IFI16: variants seen among roughly 807,000 people sequenced by gnomAD.
The protein encoded by IFI16 is gamma-interferon-inducible protein 16.
Under a neutral mutation model 68.4 loss-of-function variants are expected in IFI16, and 49 were observed. That is an observed-to-expected ratio of 0.72 (90% CI 0.57 to 0.91). The LOEUF (loss-of-function observed/expected upper bound fraction) is 0.91, where lower values mean the gene tolerates loss of function less well. Among genes scored for constraint, IFI16 ranks in the 40% least tolerant of loss-of-function variants. IFI16 has a pLI of 0.00. For missense variants in IFI16, 878 were observed against 942.9 expected, an observed-to-expected ratio of 0.93 and a Z score of 0.90; for synonymous variants, 307 against 315.0, an observed-to-expected ratio of 0.97 and a Z score of 0.27.
chr1:159,003,242 A>C (rs902469380), upstream of IFI16, among the ~76,000 whole-genome samples: 1 of 152,234 alleles, frequency 6.6e-6, no homozygotes, highest in Non-Finnish European at 1.5e-5. Flanking sequence ...CTTTCAGACT[A>C]AGCTGATAGA....
chr1:159,045,467 A>T lies in IFI16; in HGVS notation c.1497+3A>T. On this transcript the variant is annotated splice_donor_region_variant and intron_variant, in intron 8 of 11. Coordinates refer to ENST00000295809, the MANE Select transcript of IFI16 (RefSeq NM_001376587.1). ...CAAGCAGCAGTTTCTTAACCACGGTACAAGTTCCCTCTTCCCAATACATTC... is the reference window on the plus strand; with the variant it reads ...CAAGCAGCAGTTTCTTAACCACGGTTCAAGTTCCCTCTTCCCAATACATTC... 1 of 1,603,536 alleles carries T rather than the reference A, an allele frequency of 6.2e-7. No homozygotes were observed. The highest frequency in any genetic ancestry group is 1.1e-5 in the South Asian group (1 of 90,248).
chr1:159,037,232 CATT>C (rs1471461055), intron 7 of IFI16, among the ~76,000 whole-genome samples: 3 of 152,198 alleles, frequency 2.0e-5, no homozygotes, highest in Admixed American at 6.5e-5. Flanking sequence ...CCATAGGAAT[CATT>C]ATGCTGTGCC....
intron 6 of IFI16, among the ~76,000 whole-genome samples, chr1:159,025,051 G>A (rs1024271027): frequency 2.6e-5 from 4 of 151,676 alleles, no homozygotes; most frequent in Non-Finnish European, 5.9e-5. Context: ...GGCTGGTGCT[G>A]GTGTACTGGA....
chr1:159,051,244 A>G (rs1655337489), intron 9 of IFI16, among the ~76,000 whole-genome samples: 1 of 152,080 alleles, frequency 6.6e-6, no homozygotes. Context: ...ACATGGAGGC[A>G]GGACAGCTGC....
chr1:159,019,114 T>C (rs1167212537), intron 5 of IFI16, among the ~76,000 whole-genome samples: 2 of 152,154 alleles, frequency 1.3e-5, no homozygotes, highest in South Asian at 2.1e-4. Context: ...TACTCATGGC[T>C]GGAAAACAAA....
chr1:159,014,606 C>A, intron 1 of IFI16, 55 bp from the exon 2 acceptor site: 1 of 1,218,332 alleles, frequency 8.2e-7, no homozygotes, highest in Non-Finnish European at 1.1e-6. Context: ...AGGCATACAT[C>A]TTTTAAATTG....
upstream of IFI16, among the ~76,000 whole-genome samples, chr1:159,005,480 ACT>A (rs1276663219): frequency 1.3e-5 from 2 of 152,138 alleles, no homozygotes; most frequent in Non-Finnish European, 2.9e-5. Context: ...CTGCCTCAAC[ACT>A]GAGTCTCTTT....
chr1:159,014,283 G>A (rs1005969212), intron 1 of IFI16, among the ~76,000 whole-genome samples: 8 of 152,232 alleles, frequency 5.3e-5, no homozygotes, highest in African/African-American at 7.2e-5. Context: ...CATACTGGGT[G>A]TGGGAAGATT....
intron 1 of IFI16, among the ~76,000 whole-genome samples, chr1:159,012,385 G>A (rs1372486921): frequency 6.6e-6 from 1 of 152,150 alleles, no homozygotes; most frequent in Admixed American, 6.5e-5. Context: ...ATTCTAAATA[G>A]TGTCTTACTA....
intron 1 of IFI16, among the ~76,000 whole-genome samples, chr1:159,011,562 CTAAT>C (rs1397156171): frequency 3.3e-5 from 5 of 151,564 alleles, no homozygotes; most frequent in East Asian, 1.9e-4. Context: ...GAAATATATA[CTAAT>C]TATAGTACCA....
At position 159,029,964 on chromosome 1, in the gene IFI16, G is replaced by A. The variant is rs1447812167; in HGVS notation, c.1162-2560G>A. 7.3e-5 allele frequency among the ~76,000 whole-genome samples: 6 copies of A among 82,490 alleles called. No homozygotes were observed. The South Asian group carries it at 2.0e-3, about 27-fold the overall frequency. 54.1% of individuals were successfully genotyped at this position (82,490 alleles called of 152,430 possible). A position where few individuals can be genotyped will look rare whatever the true frequency, so the allele number is the denominator to read the frequency against. On this transcript the variant is annotated intron_variant, in intron 6 of 11. Transcript: ENST00000295809. Reference sequence around the variant, plus strand: ...CCCAAAGTGCTGGGATTACAGGCATGAGCCACCATGCCCGGCAGCTTTGTT... The same window carrying A: ...CCCAAAGTGCTGGGATTACAGGCATAAGCCACCATGCCCGGCAGCTTTGTT...
At chr1:159,033,702 TTTAGA>T (rs1266592153) in intron 7 of IFI16, among the ~76,000 whole-genome samples, 1 of 152,310 alleles carries the variant, frequency 6.6e-6, no homozygotes, top group South Asian at 2.1e-4. Flanking sequence ...TATATATGGC[TTTAGA>T]TTAGGAGTTT....
upstream of IFI16, among the ~76,000 whole-genome samples, chr1:159,003,007 AATG>A (rs1321729053): frequency 6.6e-6 from 1 of 152,246 alleles, no homozygotes; most frequent in Non-Finnish European, 1.5e-5. Flanking sequence ...CTACTTGTAG[AATG>A]ATTTCAAAAG....
At chr1:159,004,801 T>C (rs1359768169), upstream of IFI16, among the ~76,000 whole-genome samples, 1 of 152,246 alleles carries the variant, frequency 6.6e-6, no homozygotes, top group East Asian at 1.9e-4. Context: ...AGGGAAATTT[T>C]GACAGCCAAA....
chr1:159,026,362 G>A (rs1375429934), intron 6 of IFI16, among the ~76,000 whole-genome samples: 2 of 150,564 alleles, frequency 1.3e-5, no homozygotes, highest in Non-Finnish European at 2.9e-5. Flanking sequence ...GCAATGGCGC[G>A]ATCTTGGCTC....
intron 11 of IFI16, among the ~76,000 whole-genome samples, chr1:159,054,069 T>C (rs1048730925): frequency 6.6e-6 from 1 of 152,178 alleles, no homozygotes; most frequent in Non-Finnish European, 1.5e-5. Flanking sequence ...GACTAAAGAC[T>C]TACACTAGGA....
Position 159,030,247 on chromosome 1 carries a change from G to A in IFI16, c.1162-2277G>A, listed in dbSNP as rs575949010. On this transcript the variant is annotated intron_variant, in intron 6 of 11. Coordinates refer to ENST00000295809, the MANE Select transcript of IFI16 (RefSeq NM_001376587.1). ...TTAAGTTGGTATTCATCCTTCTCTG[G>A]TGCCTCCTTGGGTAGTTTAATAATC... Among the ~76,000 whole-genome samples the A allele has an allele frequency of 4.0e-5, 6 of 151,850 alleles. No individual in the cohort carries two copies. The South Asian group carries it at 1.3e-3, about 32-fold the overall frequency.
At chr1:159,035,846 G>C in intron 7 of IFI16, among the ~76,000 whole-genome samples, 1 of 151,368 alleles carries the variant, frequency 6.6e-6, no homozygotes, top group African/African-American at 2.4e-5. Context: ...ATTGCTCTAA[G>C]AAAAAAAATT....
chr1:159,017,325 T>C (rs1652996807), intron 4 of IFI16, among the ~76,000 whole-genome samples: 1 of 152,214 alleles, frequency 6.6e-6, no homozygotes, highest in African/African-American at 2.4e-5. Flanking sequence ...ATCCTACTTG[T>C]GTTCTCACCT....
Sources: gnomAD v4.1 joint callset for allele counts (sites outside exome capture counted in the v4.1 genomes callset) on GRCh38, gnomAD v4.1.1 for gene constraint, MANE v1.5 for transcripts, NCBI Gene and HGNC (gene_info 2026-07-23, HGNC 2026-07-21) for gene names.